Variants in SHISA9 observed in about 807,000 individuals in gnomAD.
The protein encoded by SHISA9 is protein shisa-9.
A neutral mutation model predicts 38.0 loss-of-function variants in SHISA9; 13 were observed. The observed-to-expected ratio is 0.34, with a 90% CI of 0.22 to 0.54. SHISA9 has a LOEUF of 0.54. Ranked by LOEUF, SHISA9 falls within the 20% of genes least tolerant of loss-of-function variation. The pLI is 0.91. For missense variants in SHISA9, 538 were observed against 575.8 expected, an observed-to-expected ratio of 0.93 and a Z score of 0.67; for synonymous variants, 275 against 242.0, an observed-to-expected ratio of 1.14 and a Z score of -1.27.
chr16:13,542,596 C>A, the SHISA9 span, among the ~76,000 whole-genome samples: 3 of 152,114 alleles, frequency 2.0e-5, no homozygotes, highest in Non-Finnish European at 4.4e-5. Context: ...AAGTATGCCC[C>A]CCCCTACTCT....
intron 2 of SHISA9, among the ~76,000 whole-genome samples, chr16:13,058,445 C>G (rs1418847930): frequency 1.3e-5 from 2 of 152,178 alleles, no homozygotes; most frequent in Non-Finnish European, 2.9e-5. Flanking sequence ...ATCCCTGAGC[C>G]ATGAGGCTCT....
At chr16:12,963,623 A>G (rs1049096775) in intron 2 of SHISA9, among the ~76,000 whole-genome samples, 4 of 152,238 alleles carry the variant, frequency 2.6e-5, no homozygotes, top group African/African-American at 9.6e-5. Flanking sequence ...ACTTGGAGGT[A>G]GCTACTATTA....
the SHISA9 span, among the ~76,000 whole-genome samples, chr16:13,343,960 T>C: frequency 6.6e-6 from 1 of 152,174 alleles, no homozygotes; most frequent in East Asian, 1.9e-4. Context: ...AAATTAATCA[T>C]TGTTGTTATA....
intron 2 of SHISA9, among the ~76,000 whole-genome samples, chr16:13,106,808 A>G (rs2073929332): frequency 6.6e-6 from 1 of 152,324 alleles, no homozygotes; most frequent in African/African-American, 2.4e-5. Flanking sequence ...GTAAATAGTG[A>G]GCTGTGTAGC....
intron 2 of SHISA9, among the ~76,000 whole-genome samples, chr16:13,007,114 C>T (rs189837056): frequency 1.1e-3 from 162 of 152,294 alleles, no homozygotes; most frequent in Admixed American, 2.6e-3. Context: ...GATAATACAA[C>T]GTACAACACA....
chr16:13,250,447 G>A, the SHISA9 span, among the ~76,000 whole-genome samples: 2 of 152,106 alleles, frequency 1.3e-5, no homozygotes, highest in African/African-American at 4.8e-5. Context: ...ATTAGGATAG[G>A]AGCCAGAAAT....
chr16:13,369,958 T>A, the SHISA9 span, among the ~76,000 whole-genome samples: 1 of 152,218 alleles, frequency 6.6e-6, no homozygotes, highest in East Asian at 1.9e-4. Flanking sequence ...TTTTTATGGG[T>A]GAGTAGTATT....
chr16:13,055,462 T>C (rs2073299661), intron 2 of SHISA9, among the ~76,000 whole-genome samples: 1 of 152,166 alleles, frequency 6.6e-6, no homozygotes, highest in Non-Finnish European at 1.5e-5. Flanking sequence ...GTTGAATGAA[T>C]GGCTCCTTCT....
chr16:12,932,804 G>A (rs1485050595), intron 2 of SHISA9, among the ~76,000 whole-genome samples: 1 of 152,232 alleles, frequency 6.6e-6, no homozygotes, highest in East Asian at 1.9e-4. Context: ...CTGATGACAT[G>A]TCGTGGCTCC....
chr16:12,913,503 TG>T (rs1485645324), intron 1 of SHISA9, among the ~76,000 whole-genome samples: 1 of 152,218 alleles, frequency 6.6e-6, no homozygotes, highest in East Asian at 1.9e-4. Flanking sequence ...AGCCCATTTT[TG>T]TCATTACTTC....
At chr16:13,545,374 A>G in the SHISA9 span, among the ~76,000 whole-genome samples, 1 of 152,242 alleles carries the variant, frequency 6.6e-6, no homozygotes, top group Non-Finnish European at 1.5e-5. Flanking sequence ...TTAAATAAGA[A>G]TCCTGCATGG....
the SHISA9 span, among the ~76,000 whole-genome samples, chr16:13,392,717 G>A: frequency 2.0e-5 from 3 of 152,200 alleles, no homozygotes; most frequent in Non-Finnish European, 4.4e-5. Context: ...TATGACTGGT[G>A]TCATATAAAA....
the SHISA9 span, among the ~76,000 whole-genome samples, chr16:13,311,853 G>A: frequency 2.0e-5 from 3 of 152,194 alleles, no homozygotes; most frequent in Non-Finnish European, 2.9e-5. Context: ...ATGTAAAAAC[G>A]AGATAGATAA....
chr16:13,506,297 A>C, the SHISA9 span, among the ~76,000 whole-genome samples: 1 of 152,180 alleles, frequency 6.6e-6, no homozygotes, highest in Non-Finnish European at 1.5e-5. Flanking sequence ...TGGGGACATC[A>C]GAGAACAACA....
chr16:12,903,511 TTTTTTAAA>T (rs201493839), intron 1 of SHISA9, among the ~76,000 whole-genome samples: 76 of 112,634 alleles, frequency 6.7e-4, no homozygotes, highest in African/African-American at 8.6e-4. Flanking sequence ...GCCTTTTGCT[TTTTTTAAA>T]TTTTTTTTAT....
intron 3 of SHISA9, among the ~76,000 whole-genome samples, chr16:13,208,804 A>T (rs1188098026): frequency 6.6e-6 from 1 of 152,150 alleles, no homozygotes; most frequent in African/African-American, 2.4e-5. Context: ...TGAGGCATGA[A>T]CCAAATCTGT....
chr16:13,382,806 C>T, the SHISA9 span, among the ~76,000 whole-genome samples: 12 of 152,154 alleles, frequency 7.9e-5, no homozygotes, highest in Admixed American at 3.9e-4. Context: ...TGCAGTGAGC[C>T]GAGATCATGC....
At chr16:13,186,288 CTTTTTTTTT>C (rs113608898) in intron 2 of SHISA9, among the ~76,000 whole-genome samples, 5 of 104,302 alleles carry the variant, frequency 4.8e-5, no homozygotes, top group East Asian at 7.0e-4. Context: ...CCATCTTAAC[CTTTTTTTTT>C]TTTTTTTTTT....
chr16:13,021,779 T>C (rs916299730), intron 2 of SHISA9, among the ~76,000 whole-genome samples: 2 of 152,240 alleles, frequency 1.3e-5, no homozygotes. Flanking sequence ...ATAACACTTA[T>C]GACACTATTA....
Sources: allele counts gnomAD v4.1 joint callset (sites outside exome capture counted in the v4.1 genomes callset), GRCh38; gene constraint gnomAD v4.1.1; transcripts MANE v1.5; gene names NCBI Gene and HGNC (gene_info 2026-07-23, HGNC 2026-07-21).